TRIM37: variants seen among roughly 807,000 people sequenced by gnomAD.
TRIM37 encodes tripartite motif containing 37, also known as E3 ubiquitin-protein ligase TRIM37.
Under a neutral mutation model 129.8 loss-of-function variants are expected in TRIM37, and 80 were observed. That is an observed-to-expected ratio of 0.62 (90% CI 0.51 to 0.74). TRIM37 has a LOEUF of 0.74. Ranked by LOEUF, TRIM37 falls within the 30% of genes least tolerant of loss-of-function variation. The pLI is 0.00. For synonymous variants in TRIM37, 389 were observed against 387.1 expected, an observed-to-expected ratio of 1.00 and a Z score of -0.06; for missense variants, 1,054 against 1,176.5, an observed-to-expected ratio of 0.90 and a Z score of 1.52.
In TRIM37 at chr17:59,061,110, TA is replaced by T; in HGVS notation, c.943-3del. On this transcript the variant is annotated splice_polypyrimidine_tract_variant and splice_region_variant and intron_variant, in intron 11 of 23. Coordinates refer to ENST00000262294, the MANE Select transcript of TRIM37 (RefSeq NM_015294.6). ...ACCTCGCACAACTCCATTTCCATCC[TA>T]AAAGAAGAATAATCAGTTTGAGTGT... 1.2e-6 allele frequency: 2 copies of T among 1,612,942 alleles called. No individual in the cohort carries two copies. The highest frequency in any genetic ancestry group is 1.1e-5 in the South Asian group (1 of 91,040).
At chr17:59,015,536 A>G (rs1654385503) in intron 21 of TRIM37, 74 bp downstream of exon 21, 1 of 1,401,166 alleles carries the variant, frequency 7.1e-7, no homozygotes, top group African/African-American at 1.4e-5. Flanking sequence ...TTTGTTCATC[A>G]TGATGCATAC....
intron 2 of TRIM37, among the ~76,000 whole-genome samples, chr17:59,091,980 T>C (rs2044430665): frequency 6.6e-6 from 1 of 152,004 alleles, no homozygotes. Flanking sequence ...TAAATTTATT[T>C]TTTGAAAAGC....
In TRIM37 at chr17:59,028,737, G is replaced by A. The variant is rs763867733; in HGVS notation, c.1949-14C>T. The A allele has an allele frequency of 4.3e-6, 7 of 1,613,530 alleles. No individual in the cohort carries two copies. The highest frequency in any genetic ancestry group is 5.9e-6 in the Non-Finnish European group (7 of 1,179,696). On this transcript the variant is annotated splice_polypyrimidine_tract_variant and intron_variant, in intron 18 of 23. Coordinates refer to ENST00000262294, the MANE Select transcript of TRIM37 (RefSeq NM_015294.6). ...GAGAATATGATGCTTCAGAGAAATT[G>A]ACAAGTCATGTTAACATAAACGTTA...
intron 17 of TRIM37, among the ~76,000 whole-genome samples, chr17:59,039,713 A>C (rs1172810065): frequency 6.6e-6 from 1 of 152,070 alleles, no homozygotes; most frequent in Non-Finnish European, 1.5e-5. Context: ...GATTCTTTGA[A>C]GTTCCTCCTG....
chr17:59,058,222 T>C (rs1040543246), intron 12 of TRIM37, among the ~76,000 whole-genome samples: 1 of 152,256 alleles, frequency 6.6e-6, no homozygotes, highest in Non-Finnish European at 1.5e-5. Flanking sequence ...ATTATGTTTT[T>C]TGTGCAACAT....
chr17:59,080,777 G>A (rs1186278614), intron 6 of TRIM37, among the ~76,000 whole-genome samples: 1 of 152,022 alleles, frequency 6.6e-6, no homozygotes, highest in Non-Finnish European at 1.5e-5. Context: ...GGCGACAAGA[G>A]TGAAACTCCA....
intron 12 of TRIM37, among the ~76,000 whole-genome samples, chr17:59,057,710 G>C (rs1271814362): frequency 6.6e-6 from 1 of 152,026 alleles, no homozygotes; most frequent in Non-Finnish European, 1.5e-5. Context: ...TTTTAGTAGA[G>C]ACAGGGTTTC....
At chr17:59,059,973 C>A (rs952804355) in intron 12 of TRIM37, among the ~76,000 whole-genome samples, 22 of 152,200 alleles carry the variant, frequency 1.4e-4, no homozygotes, top group African/African-American at 5.3e-4. Flanking sequence ...TCAAGGAGTT[C>A]TTTCCCCAAT....
Position 59,057,043 on chromosome 17 carries a change from C to T in TRIM37, c.1031G>A (p.Arg344His), listed in dbSNP as rs373387394. 3.0e-5 allele frequency: 49 copies of T among 1,613,332 alleles called. No individual in the cohort carries two copies. Among genetic ancestry groups the T allele is most frequent in the South Asian group, 2.4e-4 (22 of 91,070 alleles). ...ACAGGACTGGTGAACCATCTCTACA[C>T]GATATTCATATCTAAAATTGAAAAA... ...GLPETSKYEY[R>H]VEMVHQSCND... The change falls in exon 13 of 24, where the codon CGT (arginine) becomes CAT (histidine). Residue 344 changes from arginine (R) to histidine (H), a missense_variant. This residue lies in a region of TRIM37 where 752 missense variants were observed against 870.8 expected (regional missense o/e 0.86). Coordinates refer to ENST00000262294, the MANE Select transcript of TRIM37 (RefSeq NM_015294.6).
At chr17:59,030,840 T>G (rs1290519093) in intron 18 of TRIM37, among the ~76,000 whole-genome samples, 1 of 152,192 alleles carries the variant, frequency 6.6e-6, no homozygotes, top group South Asian at 2.1e-4. Flanking sequence ...TACTACAAAA[T>G]TGTCCTTCAA....
chr17:59,048,080 C>T (rs2039993606), intron 15 of TRIM37, among the ~76,000 whole-genome samples: 1 of 152,170 alleles, frequency 6.6e-6, no homozygotes, highest in South Asian at 2.1e-4. Flanking sequence ...ACATCAGCTT[C>T]CTCACAGAGT....
At position 59,047,809 on chromosome 17, in the gene TRIM37, G is replaced by A. The variant is rs1447870439; in HGVS notation, c.1541C>T (p.Ser514Leu). ...AAGATCCAGATCCAGATCTCCATCT[G>A]AAAGCTCGTGCTAGATCAATGCCAA... ...IQNEDYHHELSDGDLDLDLVY... is the reference protein window; with the variant it reads ...IQNEDYHHELLDGDLDLDLVY... The change falls in exon 16 of 24, where the codon TCA becomes TTA. Residue 514 changes from serine to leucine, a missense_variant. By Grantham distance (145) the Ser-to-Leu change is moderately radical (BLOSUM62 -2). Transcript: ENST00000262294. 6.2e-7 allele frequency: 1 copy of A among 1,613,866 alleles called. No homozygotes were observed. The highest frequency in any genetic ancestry group is 8.5e-7 in the Non-Finnish European group (1 of 1,180,040).
intron 13 of TRIM37, among the ~76,000 whole-genome samples, chr17:59,055,963 C>T (rs751004456): frequency 6.6e-5 from 10 of 152,050 alleles, no homozygotes; most frequent in African/African-American, 2.2e-4. Flanking sequence ...TGCTGGTTTT[C>T]GTCAACTTTC....
intron 2 of TRIM37, among the ~76,000 whole-genome samples, chr17:59,102,409 A>G (rs1003503802): frequency 2.0e-5 from 3 of 152,240 alleles, no homozygotes; most frequent in African/African-American, 7.2e-5. Flanking sequence ...TTAATTAACT[A>G]TAACGGAGTC....
intron 19 of TRIM37, among the ~76,000 whole-genome samples, chr17:59,025,533 G>C (rs2037153728): frequency 6.6e-6 from 1 of 152,066 alleles, no homozygotes; most frequent in African/African-American, 2.4e-5. Flanking sequence ...GGAAGAGACA[G>C]TTGTCCCTTG....
chr17:59,087,906 T>G, intron 4 of TRIM37: 1 of 295,996 alleles, frequency 3.4e-6, no homozygotes, highest in Non-Finnish European at 6.3e-6. Context: ...TTCAAAATTC[T>G]TCAATCATGG....
chr17:59,067,163 G>C (rs2041983763), intron 9 of TRIM37, among the ~76,000 whole-genome samples: 1 of 152,118 alleles, frequency 6.6e-6, no homozygotes, highest in African/African-American at 2.4e-5. Context: ...GCTACTGCTA[G>C]GCCATCTAAT....
chr17:59,022,564 G>A (rs2036730109), intron 19 of TRIM37, among the ~76,000 whole-genome samples: 1 of 152,110 alleles, frequency 6.6e-6, no homozygotes, highest in Non-Finnish European at 1.5e-5. Flanking sequence ...CTGCTGCCTT[G>A]GTTTCCTCAT....
intron 4 of TRIM37, among the ~76,000 whole-genome samples, chr17:59,086,795 C>A (rs1261030396): frequency 2.6e-5 from 4 of 152,138 alleles, no homozygotes; most frequent in African/African-American, 9.7e-5. Flanking sequence ...CCTGTATTCA[C>A]TTGCAGCAAG....
Sources: gnomAD v4.1 joint callset for allele counts (sites outside exome capture counted in the v4.1 genomes callset) on GRCh38, gnomAD v4.1.1 for gene constraint, gnomAD v4.1.1 regional missense constraint, MANE v1.5 for transcripts, NCBI Gene and HGNC (gene_info 2026-07-23, HGNC 2026-07-21) for gene names.